The following NDUFA11 variants were observed in gnomAD, a reference collection of about 807,000 sequenced individuals.
The protein encoded by NDUFA11 is NADH dehydrogenase [ubiquinone] 1 alpha subcomplex subunit 11.
A neutral mutation model predicts 11.3 loss-of-function variants in NDUFA11; 14 were observed. The observed-to-expected ratio is 1.24, with a 90% CI of 0.82 to 1.94. The LOEUF (loss-of-function observed/expected upper bound fraction) is 1.94, where lower values mean the gene tolerates loss of function less well. Among genes scored for constraint, NDUFA11 ranks in the 30% most tolerant of loss-of-function variants. The probability of loss-of-function intolerance (pLI) is 0.00; values close to 1 mark genes in which losing one functional copy is unlikely to be tolerated. For missense variants in NDUFA11, 204 were observed against 200.3 expected, an observed-to-expected ratio of 1.02 and a Z score of -0.11; for synonymous variants, 87 against 85.6, an observed-to-expected ratio of 1.02 and a Z score of -0.09.
intron 1 of NDUFA11, chr19:5,899,829 G>C (rs939321670): frequency 2.6e-5 from 4 of 151,966 alleles, no homozygotes; most frequent in Admixed American, 1.3e-4. Context: ...TCCTGATCCA[G>C]GGCTGGGCCA....
chr19:5,899,409 A>G (rs1359901503), intron 1 of NDUFA11, among the ~76,000 whole-genome samples: 1 of 147,866 alleles, frequency 6.8e-6, no homozygotes, highest in Non-Finnish European at 1.5e-5. Context: ...TCGGCCTCCC[A>G]AAAGTGCTGA....
At chr19:5,892,702 G>T, downstream of NDUFA11, 1 of 556,650 alleles carries the variant, frequency 1.8e-6, no homozygotes, top group Non-Finnish European at 2.8e-6. Context: ...CCAGCAGGCC[G>T]TGCTGTGGTG....
Position 5,897,008 on chromosome 19 carries a change from G to T in NDUFA11, c.98-11C>A. The T allele has an allele frequency of 6.2e-7, 1 of 1,611,412 alleles. No homozygotes were observed. On this transcript the variant is annotated splice_polypyrimidine_tract_variant and intron_variant, in intron 1 of 3. Transcript: ENST00000308961. The stretch of plus-strand genomic sequence containing the variant: ...CAGCGGCGGTCAGGCCTGCGAGACA[G>T]AGGAGGGAGGCTGTTCAGACCCCAC...
chr19:5,903,552 T>G, intron 1 of NDUFA11, 60 bp downstream of exon 1: 1 of 1,485,386 alleles, frequency 6.7e-7, no homozygotes, highest in Non-Finnish European at 9.1e-7. Flanking sequence ...CAGCCCCCAG[T>G]AACCCCACGA....
At position 5,896,499 on chromosome 19, in the gene NDUFA11, G is replaced by C. The variant is rs754303032; in HGVS notation, c.267C>G (p.Asn89Lys). The change falls in exon 3 of 4, where the codon AAC (asparagine) becomes AAG (lysine). Residue 89 changes from asparagine (N) to lysine (K), a missense_variant. Transcript: ENST00000308961. The surrounding 1 kb of genome is among the most constrained non-coding windows in gnomAD (Gnocchi z 5.8). The part of the protein sequence containing the change: ...HVREKPDDPL[N>K]YFLGGCAGGL... ...CTCCGGCGCAGCCACCGAGGAAGTAGTTCAGGGGGTCGTCGGGCTTCTCGC... is the reference window on the plus strand; with the variant it reads ...CTCCGGCGCAGCCACCGAGGAAGTACTTCAGGGGGTCGTCGGGCTTCTCGC... 2.5e-6 allele frequency: 4 copies of C among 1,573,986 alleles called. No individual in the cohort carries two copies. The Admixed American group carries it at 5.7e-5, about 22-fold the overall frequency.
Sources: gnomAD v4.1 joint callset for allele counts (sites outside exome capture counted in the v4.1 genomes callset) on GRCh38, gnomAD v4.1.1 for gene constraint, Gnocchi (gnomAD v3.1) non-coding constraint, MANE v1.5 for transcripts, NCBI Gene and HGNC (gene_info 2026-07-23, HGNC 2026-07-21) for gene names.